Variants in RHBG observed in about 807,000 individuals in gnomAD.
RHBG encodes the protein Rh family B glycoprotein.
In RHBG, 39 loss-of-function variants were observed where a neutral mutation model predicts 40.1. The observed-to-expected ratio is 0.97, with a 90% CI of 0.75 to 1.27. The LOEUF is 1.27. Ranked by LOEUF, RHBG falls within the 50% of genes most tolerant of loss-of-function variation. RHBG has a pLI of 0.00. For missense variants in RHBG, 549 were observed against 588.1 expected, an observed-to-expected ratio of 0.93 and a Z score of 0.69; for synonymous variants, 237 against 252.5, an observed-to-expected ratio of 0.94 and a Z score of 0.58.
At chr1:156,372,388 A>T (rs1666915796) in intron 1 of RHBG, among the ~76,000 whole-genome samples, 1 of 141,664 alleles carries the variant, frequency 7.1e-6, no homozygotes, top group South Asian at 2.3e-4. Flanking sequence ...TGATGGAAAA[A>T]TAACAAAGAA....
rs200869149 is a variant in RHBG at position 156,377,447 on chromosome 1, C to T, written c.334C>T (p.His112Tyr). Residue 112 changes from histidine (H) to tyrosine (Y), a missense_variant, in exon 2 of 10, where the codon CAC (histidine) becomes TAC (tyrosine). Physicochemically the swap from His to Tyr is moderately conservative, Grantham distance 83. Coordinates refer to ENST00000537040, the MANE Select transcript of RHBG (RefSeq NM_020407.5). This position sits in a 1 kb window ranked among gnomAD's most constrained non-coding sequence, Gnocchi z 4.6. Reference protein sequence around the residue: ...QWSTLVQGFLHSFHGGHIHVG... With the variant: ...QWSTLVQGFLYSFHGGHIHVG... ...GTCCACACTGGTCCAGGGCTTTCTC[C>T]ACTCCTTCCACGGTGGCCACATCCA... 2.5e-4 allele frequency: 408 copies of T among 1,613,518 alleles called. 1 individual carries two copies. The highest frequency in any genetic ancestry group is 3.2e-4 in the Non-Finnish European group (373 of 1,179,580).
In RHBG at chr1:156,378,268, G is replaced by A. The variant is rs372741333; in HGVS notation, c.542G>A (p.Gly181Asp). 79 of 1,613,804 alleles carry A rather than the reference G, an allele frequency of 4.9e-5. No individual in the cohort carries two copies. Among genetic ancestry groups the A allele is most frequent in the Non-Finnish European group, 6.6e-5 (78 of 1,180,002 alleles). The change falls in exon 4 of 10, where the codon GGC (glycine) becomes GAC (aspartate). Residue 181 changes from glycine (G) to aspartate (D), a missense_variant. By Grantham distance (94) the Gly-to-Asp change is moderately conservative (BLOSUM62 -1). Transcript: ENST00000537040. ...CCTCCCCAGGTGAGAGATGCCGGAGGCTCCATGACTATCCACACCTTTGGT... is the reference window on the plus strand; with the variant it reads ...CCTCCCCAGGTGAGAGATGCCGGAGACTCCATGACTATCCACACCTTTGGT... ...LHLLGVRDAG[G>D]SMTIHTFGAY...
At chr1:156,383,404 T>A (rs1366035212) in intron 8 of RHBG, among the ~76,000 whole-genome samples, 1 of 152,100 alleles carries the variant, frequency 6.6e-6, no homozygotes, top group Non-Finnish European at 1.5e-5. Flanking sequence ...AGCCTCCGAG[T>A]AGCTGGGACT....
chr1:156,384,409 C>T (rs755668520), intron 8 of RHBG, 118 bp from the exon 9 acceptor site: 10 of 906,720 alleles, frequency 1.1e-5, no homozygotes, highest in Non-Finnish European at 1.8e-5. Flanking sequence ...GTTTTGCCTG[C>T]ACAGGCATCA....
rs1667947995 is a variant in RHBG, at chr1:156,384,986, C to T, written c.*141C>T. ...GAAGGAGGCCCCTTTCCACAGGCAG[C>T]GTCTCCACAGGGAGAGGGGCAACAG... On this transcript the variant is annotated 3_prime_UTR_variant, in exon 10 of 10. Coordinates refer to ENST00000537040, the MANE Select transcript of RHBG (RefSeq NM_020407.5). The T allele has an allele frequency of 7.8e-5, 47 of 605,284 alleles. 1 individual carries two copies. In the South Asian group the frequency reaches 8.4e-4, roughly 11 times the overall value. The allele number at this position is 605,284 out of a possible 1,614,324, so 37.5% of individuals were successfully genotyped here.
intron 1 of RHBG, chr1:156,371,854 C>G (rs1219201987): frequency 6.6e-6 from 1 of 152,246 alleles, no homozygotes; most frequent in Non-Finnish European, 1.5e-5. Flanking sequence ...GTAGGCTCTC[C>G]TTGGACATAC....
intron 1 of RHBG, among the ~76,000 whole-genome samples, chr1:156,373,300 C>T (rs907944742): frequency 2.0e-5 from 3 of 152,034 alleles, no homozygotes; most frequent in Admixed American, 6.6e-5. Flanking sequence ...GTAATAAGCT[C>T]CTGTGGTCCT....
chr1:156,384,484 G>A (rs540982898), intron 8 of RHBG, 43 bp from the exon 9 acceptor site: 2 of 1,582,202 alleles, frequency 1.3e-6, no homozygotes, highest in Non-Finnish European at 8.7e-7. Context: ...CCTCCATGGT[G>A]GGGGGCAGAG....
chr1:156,379,676 C>T (rs549276076), intron 4 of RHBG, among the ~76,000 whole-genome samples: 1 of 152,208 alleles, frequency 6.6e-6, no homozygotes, highest in Non-Finnish European at 1.5e-5. Flanking sequence ...GATTCTCCCA[C>T]AAACGCTCCA....
At chr1:156,381,618 A>T in intron 5 of RHBG, 105 bp downstream of exon 5, 1 of 1,427,592 alleles carries the variant, frequency 7.0e-7, no homozygotes, top group Non-Finnish European at 9.5e-7. Context: ...ATAAGGGCAC[A>T]GGCATAGGGG....
Position 156,369,321 on chromosome 1 carries a change from C to T in RHBG, c.72C>T (p.Gly24=), listed in dbSNP as rs1330782327. The change falls in exon 1 of 10, where the codon GGC becomes GGT. Residue 24 remains glycine (G), a synonymous_variant. Coordinates refer to ENST00000537040, the MANE Select transcript of RHBG (RefSeq NM_020407.5). The stretch of plus-strand genomic sequence containing the variant: ...CCCTGCTGTGCCTCTTCCTCCAGGG[C>T]GCCACTGCCGTCCTCTTTGCTGTCT... ...QLPLLCLFLQ[G]ATAVLFAVFV... 1 of 1,614,084 alleles carries T rather than the reference C, an allele frequency of 6.2e-7. No homozygotes were observed. The highest frequency in any genetic ancestry group is 1.3e-5 in the African/African-American group (1 of 74,950).
At position 156,379,135 on chromosome 1, in the gene RHBG, C is replaced by T. The variant is rs575480421; in HGVS notation, c.673+736C>T. On this transcript the variant is annotated intron_variant, in intron 4 of 9. Coordinates refer to ENST00000537040, the MANE Select transcript of RHBG (RefSeq NM_020407.5). ...TCATCCTCCCGAGTAGCTGGGATTA[C>T]AGGCGCGTGCCACCACACCCAGCTA... Among the ~76,000 whole-genome samples, 18 of 152,152 alleles carry T rather than the reference C, an allele frequency of 1.2e-4. No individual in the cohort carries two copies. In the South Asian group the frequency reaches 3.3e-3, roughly 28 times the overall value.
intron 8 of RHBG, 141 bp from the exon 9 acceptor site, chr1:156,384,386 C>A (rs768102770): frequency 1.0e-5 from 8 of 792,674 alleles, no homozygotes; most frequent in Middle Eastern, 2.2e-4. Context: ...AGATGCTCAA[C>A]AAATACTGCT....
chr1:156,369,460 G>A, intron 1 of RHBG, 24 bp downstream of exon 1: 1 of 1,575,884 alleles, frequency 6.3e-7, no homozygotes, highest in South Asian at 1.2e-5. Flanking sequence ...GAGGGCGCGC[G>A]GGAAGCAAAG....
chr1:156,377,619 G>A lies in RHBG; in HGVS notation c.374+132G>A. ...TCTGGGCGTCACTTGGTTTCTCTAGGTGTCCTGCCTGTCCTTATTGCCTGA... is the reference window on the plus strand; with the variant it reads ...TCTGGGCGTCACTTGGTTTCTCTAGATGTCCTGCCTGTCCTTATTGCCTGA... On this transcript the variant is annotated intron_variant, in intron 2 of 9. Transcript: ENST00000537040. This position sits in a 1 kb window ranked among gnomAD's most constrained non-coding sequence, Gnocchi z 4.6. 2.1e-6 allele frequency: 2 copies of A among 935,112 alleles called. No individual in the cohort carries two copies. The highest frequency in any genetic ancestry group is 3.1e-6 in the Non-Finnish European group (2 of 636,840). 57.9% of individuals were successfully genotyped at this position (935,112 alleles called of 1,614,324 possible). A position where few individuals can be genotyped will look rare whatever the true frequency, so the allele number is the denominator to read the frequency against.
chr1:156,377,334 G>A lies in RHBG; in HGVS notation c.221G>A (p.Gly74Asp). The stretch of plus-strand genomic sequence containing the variant: ...GACGTGCATGCCATGGTCTTCGTGG[G>A]CTTTGGCTTCCTCATGGTCTTCCTG... ...FQDVHAMVFV[G>D]FGFLMVFLQR... The change falls in exon 2 of 10, where the codon GGC becomes GAC. Residue 74 changes from glycine (G) to aspartate (D), a missense_variant. This residue lies in a region of RHBG where 51 missense variants were observed against 85.9 expected (regional missense o/e 0.59). Coordinates refer to ENST00000537040, the MANE Select transcript of RHBG (RefSeq NM_020407.5). The surrounding 1 kb of genome is among the most constrained non-coding windows in gnomAD (Gnocchi z 4.6). 1 of 1,614,044 alleles carries A rather than the reference G, an allele frequency of 6.2e-7. No individual in the cohort carries two copies. Among genetic ancestry groups the A allele is most frequent in the East Asian group, 2.2e-5 (1 of 44,900 alleles).
At chr1:156,379,290 C>A (rs529512989) in intron 4 of RHBG, among the ~76,000 whole-genome samples, 1 of 152,190 alleles carries the variant, frequency 6.6e-6, no homozygotes, top group Non-Finnish European at 1.5e-5. Context: ...GCCACTACGC[C>A]CGGCTACCAC....
Position 156,385,181 on chromosome 1 carries a change from C to T in RHBG, c.*336C>T. The T allele has an allele frequency of 4.0e-6, 1 of 250,566 alleles. No homozygotes were observed. Among genetic ancestry groups the T allele is most frequent in the African/African-American group, 2.2e-5 (1 of 45,674 alleles). 15.5% of individuals were successfully genotyped at this position (250,566 alleles called of 1,614,324 possible). On this transcript the variant is annotated 3_prime_UTR_variant, in exon 10 of 10. Transcript: ENST00000537040. Reference sequence around the variant, plus strand: ...TCACACAGTTACAGTGAAGCCCAAGCCAGGCCTGGTTGAGGGTGATAAACG... The same window carrying T: ...TCACACAGTTACAGTGAAGCCCAAGTCAGGCCTGGTTGAGGGTGATAAACG...
chr1:156,369,758 C>T (rs1263359732), intron 1 of RHBG, among the ~76,000 whole-genome samples: 1 of 152,162 alleles, frequency 6.6e-6, no homozygotes, highest in African/African-American at 2.4e-5. Context: ...TCTAGAGCCC[C>T]AGCTTTAACC....
Sources: gnomAD v4.1 joint callset for allele counts (sites outside exome capture counted in the v4.1 genomes callset) on GRCh38, gnomAD v4.1.1 for gene constraint, gnomAD v4.1.1 regional missense constraint, Gnocchi (gnomAD v3.1) non-coding constraint, MANE v1.5 for transcripts, NCBI Gene and HGNC (gene_info 2026-07-23, HGNC 2026-07-21) for gene names.